Variants in SLC39A9 observed in about 807,000 individuals in gnomAD.
SLC39A9 encodes the protein zinc transporter ZIP9.
Under a neutral mutation model 28.4 loss-of-function variants are expected in SLC39A9, and 14 were observed. The ratio of observed to expected loss-of-function variants is 0.49; its 90% confidence interval spans 0.33 to 0.77. The LOEUF (loss-of-function observed/expected upper bound fraction) is 0.77. SLC39A9 is among the 30% of genes least tolerant of loss of function. The pLI is 0.02. For missense variants in SLC39A9, 283 were observed against 381.1 expected (o/e 0.74, Z 2.14); for synonymous variants, 119 against 149.6 (o/e 0.80, Z 1.49).
chr14:69,455,323 G>GGGTTTTT (rs1885806932), intron 5 of SLC39A9, among the ~76,000 whole-genome samples: 1 of 151,846 alleles, frequency 6.6e-6, no homozygotes, highest in Non-Finnish European at 1.5e-5. Context: ...GTGTGTGTGT[G>GGGTTTTT]GGTTTTTTGT....
At chr14:69,443,177 TGA>T (rs1022467709) in intron 3 of SLC39A9, among the ~76,000 whole-genome samples, 3 of 152,242 alleles carry the variant, frequency 2.0e-5, no homozygotes, top group Non-Finnish European at 4.4e-5. Flanking sequence ...GAAATAAATT[TGA>T]GAGTTATAAA....
At chr14:69,453,448 C>A in intron 4 of SLC39A9, 139 bp downstream of exon 4, 1 of 658,634 alleles carries the variant, frequency 1.5e-6, no homozygotes, top group Non-Finnish European at 2.6e-6. Context: ...AGTCCTCCAA[C>A]ACAAGCACAA....
chr14:69,411,735 A>G (rs1883275025), intron 1 of SLC39A9, among the ~76,000 whole-genome samples: 2 of 151,968 alleles, frequency 1.3e-5, no homozygotes, highest in South Asian at 2.1e-4. Flanking sequence ...CCACAATTCT[A>G]GCGCTTAAAA....
Position 69,416,728 on chromosome 14 carries a change from A to G in SLC39A9, c.97-7366A>G, listed in dbSNP as rs190354713. On this transcript the variant is annotated intron_variant, in intron 1 of 6. Coordinates refer to ENST00000336643, the MANE Select transcript of SLC39A9 (RefSeq NM_018375.5). ...TGCATTTCTCTGATGACCAGTGATG[A>G]TGAGCATTTTTTCATGTGTCTGTTG... is the stretch of plus-strand genomic sequence containing the variant. 1.2e-4 allele frequency among the ~76,000 whole-genome samples: 18 copies of G among 152,294 alleles called. 1 individual carries two copies. The East Asian group carries it at 3.1e-3, about 26-fold the overall frequency.
At chr14:69,431,439 T>TAGAC (rs1884486811) in intron 2 of SLC39A9, among the ~76,000 whole-genome samples, 2 of 151,782 alleles carry the variant, frequency 1.3e-5, no homozygotes, top group Non-Finnish European at 1.5e-5. Flanking sequence ...TTGCATTGAC[T>TAGAC]AGACTATCCA....
At chr14:69,431,999 G>A (rs373033744) in intron 2 of SLC39A9, among the ~76,000 whole-genome samples, 9 of 152,210 alleles carry the variant, frequency 5.9e-5, no homozygotes, top group African/African-American at 2.2e-4. Flanking sequence ...CCTTGCTATC[G>A]AGAATAGTGC....
At chr14:69,402,247 A>T (rs1420707603) in intron 1 of SLC39A9, among the ~76,000 whole-genome samples, 1 of 152,176 alleles carries the variant, frequency 6.6e-6, no homozygotes, top group Admixed American at 6.5e-5. Context: ...ATGCAAAAAA[A>T]AACTCATAAT....
chr14:69,449,812 C>A (rs1244366546), intron 3 of SLC39A9, among the ~76,000 whole-genome samples: 1 of 151,998 alleles, frequency 6.6e-6, no homozygotes, highest in African/African-American at 2.4e-5. Flanking sequence ...TGGGAAGGGG[C>A]AAGTGGCTCT....
chr14:69,405,784 T>C (rs1293777371), intron 1 of SLC39A9, among the ~76,000 whole-genome samples: 1 of 152,208 alleles, frequency 6.6e-6, no homozygotes, highest in Non-Finnish European at 1.5e-5. Context: ...TGAAAAACTT[T>C]GTTTTCTCCA....
intron 6 of SLC39A9, among the ~76,000 whole-genome samples, chr14:69,456,878 C>A (rs973345933): frequency 6.6e-6 from 1 of 152,154 alleles, no homozygotes; most frequent in Non-Finnish European, 1.5e-5. Context: ...GTTTGTTGAT[C>A]TTAGATGCTA....
intron 1 of SLC39A9, among the ~76,000 whole-genome samples, chr14:69,412,601 C>T (rs1029277557): frequency 1.8e-4 from 28 of 151,950 alleles, no homozygotes; most frequent in African/African-American, 6.3e-4. Context: ...GCCCAGTGGC[C>T]GGTACCAAGT....
chr14:69,441,557 G>A (rs1594939010), intron 2 of SLC39A9, among the ~76,000 whole-genome samples: 2 of 152,178 alleles, frequency 1.3e-5, no homozygotes, highest in East Asian at 3.9e-4. Flanking sequence ...GTTTCTTGCT[G>A]GCAATTGTCT....
chr14:69,433,949 T>G (rs1343980661), intron 2 of SLC39A9, among the ~76,000 whole-genome samples: 1 of 152,076 alleles, frequency 6.6e-6, no homozygotes, highest in Non-Finnish European at 1.5e-5. Context: ...CAGGCCTAGC[T>G]AATTTTTGTA....
chr14:69,428,253 C>T (rs371669812), intron 2 of SLC39A9, among the ~76,000 whole-genome samples: 7 of 147,060 alleles, frequency 4.8e-5, no homozygotes, highest in Non-Finnish European at 5.9e-5. Context: ...CCCATCCTGG[C>T]GACAGAGCGA....
intron 2 of SLC39A9, among the ~76,000 whole-genome samples, chr14:69,435,467 T>G (rs1306187889): frequency 2.0e-5 from 3 of 152,238 alleles, no homozygotes; most frequent in Non-Finnish European, 2.9e-5. Flanking sequence ...AGATGGCATA[T>G]AGTTGTATCA....
intron 3 of SLC39A9, among the ~76,000 whole-genome samples, chr14:69,447,119 C>A (rs1306324865): frequency 1.3e-5 from 2 of 152,008 alleles, no homozygotes; most frequent in Non-Finnish European, 2.9e-5. Context: ...ATGTAGGGGG[C>A]AAATTTTTAT....
chr14:69,451,658 A>G (rs1885616281), intron 3 of SLC39A9, among the ~76,000 whole-genome samples: 1 of 152,240 alleles, frequency 6.6e-6, no homozygotes, highest in African/African-American at 2.4e-5. Flanking sequence ...CTGCCTGCAT[A>G]GATCACTAGG....
At chr14:69,399,891 G>A (rs909097842) in intron 1 of SLC39A9, among the ~76,000 whole-genome samples, 1 of 152,154 alleles carries the variant, frequency 6.6e-6, no homozygotes, top group Non-Finnish European at 1.5e-5. Flanking sequence ...GAGGTGGAAG[G>A]ATCGCTTGGG....
At chr14:69,455,477 C>T (rs562788153) in intron 5 of SLC39A9, among the ~76,000 whole-genome samples, 4 of 152,050 alleles carry the variant, frequency 2.6e-5, no homozygotes, top group Non-Finnish European at 4.4e-5. Flanking sequence ...CAGGTGCCCA[C>T]CACCACACAT....
Sources: allele counts gnomAD v4.1 joint callset (sites outside exome capture counted in the v4.1 genomes callset), GRCh38; gene constraint gnomAD v4.1.1; transcripts MANE v1.5; gene names NCBI Gene and HGNC (gene_info 2026-07-23, HGNC 2026-07-21).